TOPAZ1: variants seen among roughly 807,000 people sequenced by gnomAD.
TOPAZ1 encodes protein TOPAZ1.
TOPAZ1 carries 66 observed loss-of-function variants against 172.2 expected under a neutral mutation model. The observed-to-expected ratio is 0.38, with a 90% CI of 0.31 to 0.47. The LOEUF (loss-of-function observed/expected upper bound fraction) is 0.47. Ranked by LOEUF, TOPAZ1 falls within the 20% of genes least tolerant of loss-of-function variation. The pLI, the probability that TOPAZ1 is intolerant of heterozygous loss-of-function variation, is 0.99. For missense variants in TOPAZ1, 1,822 were observed against 1,972.4 expected, an observed-to-expected ratio of 0.92 and a Z score of 1.44; for synonymous variants, 681 against 683.9, an observed-to-expected ratio of 1.00 and a Z score of 0.07.
intron 8 of TOPAZ1, among the ~76,000 whole-genome samples, chr3:44,272,287 GT>G (rs1699907032): frequency 6.6e-6 from 1 of 152,118 alleles, no homozygotes; most frequent in African/African-American, 2.4e-5. Flanking sequence ...GGATCATATG[GT>G]AATTCTATTT....
intron 2 of TOPAZ1, among the ~76,000 whole-genome samples, chr3:44,254,367 C>T (rs1463188264): frequency 6.6e-6 from 1 of 152,108 alleles, no homozygotes; most frequent in Non-Finnish European, 1.5e-5. Flanking sequence ...GTGACTCACG[C>T]CTGTAATCCC....
intron 15 of TOPAZ1, among the ~76,000 whole-genome samples, chr3:44,306,628 G>A (rs867777351): frequency 3.3e-5 from 5 of 152,296 alleles, no homozygotes; most frequent in Middle Eastern, 6.8e-3. Flanking sequence ...TGGATGCAGT[G>A]GCATGTACCT....
rs1382300543 is a variant in TOPAZ1, at chr3:44,255,716, CACACATAT to C, written c.2828-433_2828-426del. On this transcript the variant is annotated intron_variant, in intron 3 of 19. Transcript: ENST00000309765. The stretch of plus-strand genomic sequence containing the variant: ...ACACACACACACACACACACACACA[CACACATAT>C]ATATATGGTTAACAGCTAGTCAAAA... Among the ~76,000 whole-genome samples, 77 of 32,100 alleles carry C rather than the reference CACACATAT, an allele frequency of 2.4e-3. No individual in the cohort carries two copies. In the East Asian group the frequency reaches 0.039, roughly 16 times the overall value. The allele number at this position is 32,100 out of a possible 152,430, so 21.1% of individuals were successfully genotyped here. A position where few individuals can be genotyped will look rare whatever the true frequency, so the allele number is the denominator to read the frequency against.
chr3:44,291,022 T>A, intron 12 of TOPAZ1, 136 bp downstream of exon 12: 1 of 548,058 alleles, frequency 1.8e-6, no homozygotes, highest in Non-Finnish European at 3.1e-6. Flanking sequence ...CCTTCTCCTG[T>A]CTCTTGGCTG....
intron 12 of TOPAZ1, among the ~76,000 whole-genome samples, chr3:44,296,860 A>AAGG (rs1553649737): frequency 2.3e-5 from 2 of 86,828 alleles, no homozygotes; most frequent in Non-Finnish European, 4.3e-5. Flanking sequence ...AAAAAAAAAA[A>AAGG]AAAAGAAAAA....
chr3:44,280,902 G>C (rs1270275941), intron 8 of TOPAZ1, among the ~76,000 whole-genome samples: 1 of 152,178 alleles, frequency 6.6e-6, no homozygotes, highest in Admixed American at 6.5e-5. Flanking sequence ...AATGGCACCA[G>C]GGTGTTGTTA....
At chr3:44,283,073 G>A (rs12486452) in intron 9 of TOPAZ1, among the ~76,000 whole-genome samples, 70,051 of 151,896 alleles carry the variant, frequency 0.46, 17,384 homozygotes, top group East Asian at 0.81. Context: ...TGAAAAGGAT[G>A]CAAAACTCCC....
intron 17 of TOPAZ1, among the ~76,000 whole-genome samples, chr3:44,322,383 T>C (rs1205310577): frequency 6.6e-6 from 1 of 152,200 alleles, no homozygotes; most frequent in African/African-American, 2.4e-5. Flanking sequence ...GAACTGTAGA[T>C]ATAATACAAA....
chr3:44,289,235 A>C (rs1014616522), intron 11 of TOPAZ1, among the ~76,000 whole-genome samples: 3 of 152,204 alleles, frequency 2.0e-5, no homozygotes, highest in Non-Finnish European at 4.4e-5. Context: ...CAGTGAATAC[A>C]GTTAGACCAC....
intron 16 of TOPAZ1, among the ~76,000 whole-genome samples, chr3:44,312,855 C>T (rs1455152822): frequency 1.3e-5 from 2 of 152,022 alleles, no homozygotes; most frequent in African/African-American, 4.8e-5. Flanking sequence ...TAACTTATTG[C>T]CTTTGTATAA....
chr3:44,259,557 T>A (rs1234451828), intron 4 of TOPAZ1, among the ~76,000 whole-genome samples: 1 of 152,228 alleles, frequency 6.6e-6, no homozygotes, highest in Non-Finnish European at 1.5e-5. Flanking sequence ...TTGTTTCCAT[T>A]TTTTTGCTAT....
At chr3:44,307,828 G>A (rs1053840755) in intron 15 of TOPAZ1, among the ~76,000 whole-genome samples, 2 of 152,174 alleles carry the variant, frequency 1.3e-5, no homozygotes, top group Admixed American at 1.3e-4. Context: ...TCTTCAGGAG[G>A]CTTAGCTCTT....
At chr3:44,263,713 T>C (rs1019123081) in intron 5 of TOPAZ1, among the ~76,000 whole-genome samples, 3 of 152,164 alleles carry the variant, frequency 2.0e-5, no homozygotes, top group Admixed American at 6.5e-5. Context: ...GAAAAACTTA[T>C]TAGAATTATT....
At chr3:44,318,745 G>T (rs1375553192) in intron 16 of TOPAZ1, among the ~76,000 whole-genome samples, 5 of 146,782 alleles carry the variant, frequency 3.4e-5, no homozygotes, top group African/African-American at 1.3e-4. Flanking sequence ...CATTATCCCT[G>T]CCCCATTCCT....
chr3:44,269,681 C>G (rs1021948979), intron 7 of TOPAZ1, among the ~76,000 whole-genome samples: 4 of 151,552 alleles, frequency 2.6e-5, no homozygotes, highest in African/African-American at 9.7e-5. Flanking sequence ...AGTACAATGG[C>G]ATGATCTTGG....
At chr3:44,329,257 G>C (rs929502040) in intron 19 of TOPAZ1, among the ~76,000 whole-genome samples, 10 of 152,196 alleles carry the variant, frequency 6.6e-5, no homozygotes, top group Admixed American at 1.3e-4. Flanking sequence ...CCTGGCTCGG[G>C]AATTTTCATG....
intron 18 of TOPAZ1, among the ~76,000 whole-genome samples, chr3:44,324,536 T>C (rs1700575985): frequency 6.6e-6 from 1 of 152,136 alleles, no homozygotes; most frequent in African/African-American, 2.4e-5. Context: ...GGAACAAATA[T>C]AAGCTCAGAC....
chr3:44,329,597 G>A (rs1575221371), intron 19 of TOPAZ1, among the ~76,000 whole-genome samples: 1 of 152,310 alleles, frequency 6.6e-6, no homozygotes, highest in African/African-American at 2.4e-5. Flanking sequence ...ACCTGCCACA[G>A]TTTCATAGAT....
At chr3:44,278,848 G>T (rs1575718373) in intron 8 of TOPAZ1, among the ~76,000 whole-genome samples, 2 of 145,896 alleles carry the variant, frequency 1.4e-5, no homozygotes, top group East Asian at 2.0e-4. Context: ...GCCCCACTCT[G>T]ATCTTATTTC....
Sources: gnomAD v4.1 joint callset for allele counts (sites outside exome capture counted in the v4.1 genomes callset) on GRCh38, gnomAD v4.1.1 for gene constraint, MANE v1.5 for transcripts, NCBI Gene and HGNC (gene_info 2026-07-23, HGNC 2026-07-21) for gene names.